C8B: variants seen among roughly 807,000 people sequenced by gnomAD.
The protein encoded by C8B is complement C8 beta chain, also known as complement component C8 beta chain.
Under a neutral mutation model 64.6 loss-of-function variants are expected in C8B, and 67 were observed. The ratio of observed to expected loss-of-function variants is 1.04; its 90% CI spans 0.85 to 1.27. C8B has a LOEUF of 1.27. Ranked by LOEUF, C8B falls within the 50% of genes most tolerant of loss-of-function variation. The pLI is 0.00. For synonymous variants in C8B, 284 were observed against 257.7 expected (o/e 1.10, Z -0.98); for missense variants, 790 against 725.2 (o/e 1.09, Z -1.03).
Position 56,945,897 on chromosome 1 carries a change from G to T in C8B, c.1029C>A (p.His343Gln). The change falls in exon 7 of 12, where the codon CAC becomes CAA. Residue 343 changes from histidine to glutamine, a missense_variant. By Grantham distance (24) the His-to-Gln change is conservative. Coordinates refer to ENST00000371237, the MANE Select transcript of C8B (RefSeq NM_000066.4). ...CCCCAAGCACAGCCTCTGTGATGTAGTGGGTCCCAAAATCACGGAAGAGAT... is the reference window on the plus strand; with the variant it reads ...CCCCAAGCACAGCCTCTGTGATGTATTGGGTCCCAAAATCACGGAAGAGAT... ...YRDLFRDFGT[H>Q]YITEAVLGGI... 1 of 1,614,144 alleles carries T rather than the reference G, an allele frequency of 6.2e-7. No individual in the cohort carries two copies. The highest frequency in any genetic ancestry group is 8.5e-7 in the Non-Finnish European group (1 of 1,180,020).
In C8B at chr1:56,952,039, G is replaced by A. The variant is rs1012975588; in HGVS notation, c.666+9C>T. ...GGGCTCCCTCCACTGCTACCTGGCT[G>A]TCTCTTACCTGTGGCGTGTAGCTTT... On this transcript the variant is annotated intron_variant, in intron 5 of 11. Coordinates refer to ENST00000371237, the MANE Select transcript of C8B (RefSeq NM_000066.4). 9 of 1,613,782 alleles carry A rather than the reference G, an allele frequency of 5.6e-6. No homozygotes were observed. Among genetic ancestry groups the A allele is most frequent in the South Asian group, 1.1e-5 (1 of 91,060 alleles).
In C8B at chr1:56,940,926, G is replaced by C. The variant is rs912827325; in HGVS notation, c.1321C>G (p.Gln441Glu). The C allele has an allele frequency of 1.2e-6, 2 of 1,613,888 alleles. No homozygotes were observed. Among genetic ancestry groups the C allele is most frequent in the East Asian group, 2.2e-5 (1 of 44,870 alleles). The change falls in exon 9 of 12, where the codon CAG (glutamine) becomes GAG (glutamate). Residue 441 changes from glutamine to glutamate, a missense_variant. Transcript: ENST00000371237. ...ATCAGGTCCGCCGTCGGCAGCTCCTGGTATGCCAGGGTGGTGATGTGCTCA... is the reference window on the plus strand; with the variant it reads ...ATCAGGTCCGCCGTCGGCAGCTCCTCGTATGCCAGGGTGGTGATGTGCTCA... ...ASEHITTLAYQELPTADLMQE... is the reference protein window; with the variant it reads ...ASEHITTLAYEELPTADLMQE...
chr1:56,937,314 G>C (rs1477276528), intron 9 of C8B, among the ~76,000 whole-genome samples: 2 of 152,160 alleles, frequency 1.3e-5, no homozygotes, highest in Non-Finnish European at 1.5e-5. Context: ...CCCATCAGCT[G>C]GATCTGTGAG....
rs751087776 is a variant in C8B at position 56,945,918 on chromosome 1, G to A, written c.1008C>T (p.Leu336=). 10 of 1,614,036 alleles carry A rather than the reference G, an allele frequency of 6.2e-6. No individual in the cohort carries two copies. Among genetic ancestry groups the A allele is most frequent in the Middle Eastern group, 1.6e-4 (1 of 6,084 alleles). The part of the protein sequence containing the change: ...LEYSYGEYRD[L]FRDFGTHYIT... ...TGTAGTGGGTCCCAAAATCACGGAA[G>A]AGATCTCTGTATTCCCCGTAGCTGT... Residue 336 remains leucine (L), a synonymous_variant, in exon 7 of 12, where the codon CTC becomes CTT. Coordinates refer to ENST00000371237, the MANE Select transcript of C8B (RefSeq NM_000066.4).
chr1:56,946,456 G>A (rs188514613), intron 6 of C8B, among the ~76,000 whole-genome samples: 171 of 152,326 alleles, frequency 1.1e-3, no homozygotes, highest in African/African-American at 3.7e-3. Context: ...AAGAGTAAAA[G>A]TGGTGCTTTA....
chr1:56,938,363 G>A (rs1182516834), intron 9 of C8B, among the ~76,000 whole-genome samples: 2 of 152,152 alleles, frequency 1.3e-5, no homozygotes, highest in East Asian at 3.9e-4. Context: ...TGTATGTTTG[G>A]CTTCCTGTAT....
intron 5 of C8B, 105 bp downstream of exon 5, chr1:56,951,943 A>G: frequency 1.5e-6 from 1 of 664,836 alleles, no homozygotes; most frequent in Non-Finnish European, 2.1e-6. Flanking sequence ...GAAGAAACTG[A>G]AGCTCAAAGA....
At chr1:56,946,248 C>T (rs558033115) in intron 6 of C8B, among the ~76,000 whole-genome samples, 187 bp from the exon 7 acceptor site, 2 of 152,270 alleles carry the variant, frequency 1.3e-5, no homozygotes, top group African/African-American at 4.8e-5. Flanking sequence ...TTCTGACATC[C>T]TGTTCAGCTT....
chr1:56,962,243 A>G (rs1200365600), intron 1 of C8B, among the ~76,000 whole-genome samples: 1 of 152,206 alleles, frequency 6.6e-6, no homozygotes, highest in East Asian at 1.9e-4. Flanking sequence ...CACATCTCTC[A>G]TTTTTGCACC....
At chr1:56,960,382 CTTAA>C (rs767500933) in intron 1 of C8B, among the ~76,000 whole-genome samples, 39 of 152,140 alleles carry the variant, frequency 2.6e-4, no homozygotes, top group Non-Finnish European at 3.1e-4. Flanking sequence ...AATTCCATTC[CTTAA>C]TTAATTAATT....
chr1:56,936,992 A>G (rs1644785260), intron 9 of C8B, among the ~76,000 whole-genome samples: 1 of 152,180 alleles, frequency 6.6e-6, no homozygotes, highest in Non-Finnish European at 1.5e-5. Context: ...CAGCATTTAT[A>G]TTTTAAGCAC....
chr1:56,929,611 C>T, intron 11 of C8B, 53 bp from the exon 12 acceptor site: 2 of 1,578,380 alleles, frequency 1.3e-6, no homozygotes, highest in East Asian at 2.2e-5. Flanking sequence ...TATTCTGGTG[C>T]CTTACTGGGG....
intron 8 of C8B, 53 bp downstream of exon 8, chr1:56,943,643 C>T (rs1338406598): frequency 6.2e-7 from 1 of 1,607,020 alleles, no homozygotes; most frequent in East Asian, 2.2e-5. Flanking sequence ...TCACCAGAGG[C>T]ACTAGGAGGA....
chr1:56,943,811 G>GA lies in C8B; in HGVS notation c.1118_1119insT (p.Asn374GlnfsTer9). ...CATTTTTGGCACAGGCATGGACGTT[G>GA]TTAAGAGTATAATCTGAAGAAAACA... is the stretch of plus-strand genomic sequence containing the variant. On this transcript the variant is annotated frameshift_variant, in exon 8 of 12. Transcript: ENST00000371237. LOFTEE classifies it high-confidence loss of function. 1 of 1,614,044 alleles carries GA rather than the reference G, an allele frequency of 6.2e-7. No homozygotes were observed. The highest frequency in any genetic ancestry group is 8.5e-7 in the Non-Finnish European group (1 of 1,179,956).
intron 2 of C8B, chr1:56,959,523 T>C (rs2101461742): frequency 6.9e-7 from 1 of 1,440,368 alleles, no homozygotes; most frequent in South Asian, 1.2e-5. Context: ...GGAAATGTCA[T>C]CCTACCTGAG....
At chr1:56,951,337 T>C (rs890492538) in intron 5 of C8B, among the ~76,000 whole-genome samples, 3 of 151,860 alleles carry the variant, frequency 2.0e-5, no homozygotes, top group Non-Finnish European at 4.4e-5. Flanking sequence ...AGGCCCAGAG[T>C]GGAAAAGGAA....
At chr1:56,950,813 A>G (rs1645009743) in intron 5 of C8B, among the ~76,000 whole-genome samples, 1 of 152,186 alleles carries the variant, frequency 6.6e-6, no homozygotes, top group African/African-American at 2.4e-5. Context: ...AAGTCATAGC[A>G]CGGCACCTGG....
At chr1:56,935,291 T>A (rs1417283536) in intron 9 of C8B, among the ~76,000 whole-genome samples, 1 of 152,232 alleles carries the variant, frequency 6.6e-6, no homozygotes, top group African/African-American at 2.4e-5. Context: ...ATTTCCTTTT[T>A]AAACTTAATA....
At chr1:56,964,685 C>T (rs181004204) in intron 1 of C8B, among the ~76,000 whole-genome samples, 10 of 152,274 alleles carry the variant, frequency 6.6e-5, no homozygotes, top group East Asian at 1.9e-4. Flanking sequence ...TCTTTTGTAA[C>T]GGTACACATA....
Sources: gnomAD v4.1 joint callset for allele counts (sites outside exome capture counted in the v4.1 genomes callset) on GRCh38, gnomAD v4.1.1 for gene constraint, MANE v1.5 for transcripts, NCBI Gene and HGNC (gene_info 2026-07-23, HGNC 2026-07-21) for gene names.